The following IGSF10 variants were observed in gnomAD, a reference collection of about 807,000 sequenced individuals.
IGSF10 encodes the protein calvaria mechanical force protein 608.
Under a neutral mutation model 128.2 loss-of-function variants are expected in IGSF10, and 126 were observed. That is an observed-to-expected ratio of 0.98 (90% CI 0.85 to 1.14). The LOEUF is 1.14. Ranked by LOEUF, IGSF10 falls within the 50% of genes most tolerant of loss-of-function variation. The probability of loss-of-function intolerance (pLI) is 0.00; values close to 1 mark genes in which losing one functional copy is unlikely to be tolerated. For synonymous variants in IGSF10, 1,185 were observed against 1,146.2 expected (o/e 1.03, Z -0.68); for missense variants, 3,295 against 3,149.8 (o/e 1.05, Z -1.10).
the IGSF10 span, among the ~76,000 whole-genome samples, chr3:151,536,079 C>T: frequency 6.6e-6 from 1 of 152,098 alleles, no homozygotes; most frequent in African/African-American, 2.4e-5. Flanking sequence ...GCCACTGTGT[C>T]CTGTCCCACC....
the IGSF10 span, among the ~76,000 whole-genome samples, chr3:151,499,407 T>C: frequency 6.6e-6 from 1 of 152,148 alleles, no homozygotes; most frequent in East Asian, 1.9e-4. Flanking sequence ...ACAGTAAATC[T>C]TTCCAAGGAT....
chr3:151,534,906 G>A, the IGSF10 span, among the ~76,000 whole-genome samples: 47,126 of 151,366 alleles, frequency 0.31, 7,845 homozygotes, highest in Middle Eastern at 0.44. Context: ...GAAAAATGTA[G>A]TTCCATCCAA....
upstream of IGSF10, among the ~76,000 whole-genome samples, chr3:151,462,762 G>A (rs115593564): frequency 2.0e-5 from 3 of 151,772 alleles, no homozygotes; most frequent in Non-Finnish European, 4.4e-5. Flanking sequence ...TAGAATTATA[G>A]AATCAGAGAC....
At chr3:151,529,425 T>G in the IGSF10 span, among the ~76,000 whole-genome samples, 83 of 152,116 alleles carry the variant, frequency 5.5e-4, no homozygotes, top group African/African-American at 1.9e-3. Context: ...ACACCTCCCA[T>G]TAGGGGCTGA....
the IGSF10 span, among the ~76,000 whole-genome samples, chr3:151,565,456 C>T: frequency 2.0e-5 from 3 of 152,094 alleles, no homozygotes; most frequent in Non-Finnish European, 4.4e-5. Context: ...ATCCTGGGAG[C>T]TCCTGGCCAG....
At chr3:151,585,110 G>A in the IGSF10 span, among the ~76,000 whole-genome samples, 1 of 152,158 alleles carries the variant, frequency 6.6e-6, no homozygotes, top group Non-Finnish European at 1.5e-5. Flanking sequence ...CTAGCCACAT[G>A]TGGCTGTAGA....
In IGSF10 at chr3:151,446,735, T is replaced by C. The variant is rs1226361254; in HGVS notation, c.3246A>G (p.Pro1082=). ...TGGGGAAGGTGATGGGAGCAGCACT[T>C]GGAAAAGACAATGCTGCTGTGGCAG... ...LTTATAALSF[P]SAAPITFPKA... The change falls in exon 6 of 8, where the codon CCA becomes CCG. Residue 1082 remains proline (P), a synonymous_variant. Transcript: ENST00000282466. 1 of 1,614,142 alleles carries C rather than the reference T, an allele frequency of 6.2e-7. No homozygotes were observed. Among genetic ancestry groups the C allele is most frequent in the Non-Finnish European group, 8.5e-7 (1 of 1,180,028 alleles).
At chr3:151,580,972 A>T in the IGSF10 span, among the ~76,000 whole-genome samples, 9 of 151,656 alleles carry the variant, frequency 5.9e-5, no homozygotes, top group African/African-American at 1.9e-4. Context: ...TTTTAAATAG[A>T]GAGAGAGGAG....
the IGSF10 span, among the ~76,000 whole-genome samples, chr3:151,596,782 G>A: frequency 5.3e-5 from 8 of 152,310 alleles, no homozygotes; most frequent in East Asian, 1.5e-3. Flanking sequence ...GGGTGAGCAT[G>A]TAAACTAAAT....
the IGSF10 span, among the ~76,000 whole-genome samples, chr3:151,572,588 G>GC: frequency 6.6e-6 from 1 of 151,790 alleles, no homozygotes; most frequent in Non-Finnish European, 1.5e-5. Flanking sequence ...ATTTTTTATC[G>GC]CATCTATTTG....
chr3:151,602,608 C>A, the IGSF10 span, among the ~76,000 whole-genome samples: 3 of 151,966 alleles, frequency 2.0e-5, no homozygotes, highest in Non-Finnish European at 4.4e-5. Context: ...TCCTTTCCAC[C>A]TCTCACCATC....
chr3:151,599,361 T>A, the IGSF10 span, among the ~76,000 whole-genome samples: 1 of 152,150 alleles, frequency 6.6e-6, no homozygotes, highest in African/African-American at 2.4e-5. Context: ...TAGCTTTTAT[T>A]CTCTAGTCTA....
In IGSF10 at chr3:151,453,520, A is replaced by C. The variant is rs567060314; in HGVS notation, c.579T>G (p.Ser193=). ...KISFIKFLYL[S]DNFLTSLPQE... The stretch of plus-strand genomic sequence containing the variant: ...GAGGGAGGGAGGTCAGGAAGTTATC[A>C]GACAAGTATAGGAACTTAATGAAAG... Residue 193 remains serine, a synonymous_variant, in exon 5 of 8, where the codon TCT becomes TCG. Coordinates refer to ENST00000282466, the MANE Select transcript of IGSF10 (RefSeq NM_178822.5). The C allele has an allele frequency of 2.5e-6, 4 of 1,614,146 alleles. No homozygotes were observed. In the African/African-American group the frequency reaches 5.3e-5, roughly 22 times the overall value.
the IGSF10 span, among the ~76,000 whole-genome samples, chr3:151,589,188 CCTTGTTAG>C: frequency 6.6e-6 from 1 of 152,050 alleles, no homozygotes; most frequent in South Asian, 2.1e-4. Context: ...TTTCTAGAAG[CCTTGTTAG>C]CTTGTTAGCT....
the IGSF10 span, among the ~76,000 whole-genome samples, chr3:151,489,496 C>G: frequency 6.6e-6 from 1 of 152,010 alleles, no homozygotes; most frequent in Non-Finnish European, 1.5e-5. Context: ...GATTATAAAT[C>G]TTTCTACTAT....
the IGSF10 span, among the ~76,000 whole-genome samples, chr3:151,604,138 A>T: frequency 1.3e-5 from 2 of 151,870 alleles, no homozygotes; most frequent in Non-Finnish European, 2.9e-5. Context: ...GAATACTTTA[A>T]AGTATAGTAA....
chr3:151,438,290 G>A lies in IGSF10; in HGVS notation c.6271C>T (p.His2091Tyr). The A allele has an allele frequency of 6.2e-7, 1 of 1,614,140 alleles. No homozygotes were observed. Among genetic ancestry groups the A allele is most frequent in the Non-Finnish European group, 8.5e-7 (1 of 1,180,026 alleles). Residue 2091 changes from histidine to tyrosine, a missense_variant, in exon 8 of 8, where the codon CAC (histidine) becomes TAC (tyrosine). His to Tyr is a moderately conservative substitution (Grantham distance 83). Transcript: ENST00000282466. ...NNAMQADDSG[H>Y]RTRRYTLFNN... ...AAAAGGGTATATCTCCTAGTCCTGT[G>A]GCCACTGTCATCGGCTTGCATTGCA...
At chr3:151,442,036 G>A (rs1720887919) in intron 7 of IGSF10, among the ~76,000 whole-genome samples, 1 of 152,192 alleles carries the variant, frequency 6.6e-6, no homozygotes, top group South Asian at 2.1e-4. Context: ...ACTCCAGCCT[G>A]GGCGACAGTG....
chr3:151,440,039 A>G (rs954335853), intron 7 of IGSF10, among the ~76,000 whole-genome samples: 1 of 148,898 alleles, frequency 6.7e-6, no homozygotes, highest in Non-Finnish European at 1.5e-5. Flanking sequence ...TATTTACTTT[A>G]TATTTTTTTG....
Sources: allele counts gnomAD v4.1 joint callset (sites outside exome capture counted in the v4.1 genomes callset), GRCh38; gene constraint gnomAD v4.1.1; transcripts MANE v1.5; gene names NCBI Gene and HGNC (gene_info 2026-07-23, HGNC 2026-07-21).